The following TUBB8B variants were observed in gnomAD, a reference collection of about 807,000 sequenced individuals.
The protein encoded by TUBB8B is tubulin beta 8B, also known as HSA18p11 beta-tubulin 4Q pseudogene.
In TUBB8B, 26 loss-of-function variants were observed where a neutral mutation model predicts 31.9. The observed-to-expected ratio is 0.81, with a 90% CI of 0.60 to 1.13. The LOEUF (loss-of-function observed/expected upper bound fraction) is 1.13. Among genes scored for constraint, TUBB8B ranks in the 50% most tolerant of loss-of-function variants. The pLI, the probability that TUBB8B is intolerant of heterozygous loss-of-function variation, is 0.00. For missense variants in TUBB8B, 467 were observed against 586.7 expected, an observed-to-expected ratio of 0.80 and a Z score of 2.11; for synonymous variants, 173 against 231.0, an observed-to-expected ratio of 0.75 and a Z score of 2.28.
chr18:72,196 A>AAAAAAAAAAAAAAAAAAAAAAAACAAC, the TUBB8B span, among the ~76,000 whole-genome samples: 22 of 84,516 alleles, frequency 2.6e-4, 1 homozygote, highest in African/African-American at 4.3e-4. Flanking sequence ...AAAAAAAAAA[A>AAAAAAAAAAAAAAAAAAAAAAAACAAC]AAAGGAAAAA....
At chr18:63,551 G>C in the TUBB8B span, among the ~76,000 whole-genome samples, 2 of 151,434 alleles carry the variant, frequency 1.3e-5, no homozygotes, top group Admixed American at 6.6e-5. Context: ...AGTAGGCATA[G>C]AACTTGGTCT....
At chr18:62,161 C>T in the TUBB8B span, among the ~76,000 whole-genome samples, 132 of 151,606 alleles carry the variant, frequency 8.7e-4, 3 homozygotes, top group Middle Eastern at 0.017. Flanking sequence ...TATGTCATGC[C>T]ACTCTTTCAG....
At chr18:63,755 GCCCTAA>G in the TUBB8B span, among the ~76,000 whole-genome samples, 14 of 108,440 alleles carry the variant, frequency 1.3e-4, no homozygotes, top group South Asian at 6.6e-4. Flanking sequence ...CCTAACCCTA[GCCCTAA>G]CCCTAACCCT....
chr18:52,426 G>A (rs1449287226), upstream of TUBB8B, among the ~76,000 whole-genome samples: 3 of 151,114 alleles, frequency 2.0e-5, no homozygotes, highest in African/African-American at 4.9e-5. Context: ...ATTCCCCAGG[G>A]CCTCTAACCC....
At chr18:63,360 C>A in the TUBB8B span, among the ~76,000 whole-genome samples, 10 of 151,828 alleles carry the variant, frequency 6.6e-5, no homozygotes, top group South Asian at 2.1e-3. Context: ...GCTGTGGTGG[C>A]CTTGGATTAA....
At chr18:65,401 G>C in the TUBB8B span, among the ~76,000 whole-genome samples, 1 of 152,056 alleles carries the variant, frequency 6.6e-6, no homozygotes, top group Non-Finnish European at 1.5e-5. Flanking sequence ...CCTTTTCTCA[G>C]AAAATCAAGC....
the TUBB8B span, among the ~76,000 whole-genome samples, chr18:62,315 T>G: frequency 2.2e-4 from 34 of 151,882 alleles, no homozygotes; most frequent in African/African-American, 8.2e-4. Context: ...TGAGGTGGTC[T>G]TCTTTGGGTT....
chr18:62,832 T>A, the TUBB8B span, among the ~76,000 whole-genome samples: 5 of 151,862 alleles, frequency 3.3e-5, no homozygotes, highest in African/African-American at 9.7e-5. Flanking sequence ...TTATTTTTCA[T>A]TCTTTTTTGT....
chr18:55,077 C>T, the TUBB8B span, among the ~76,000 whole-genome samples: 1 of 151,880 alleles, frequency 6.6e-6, no homozygotes, highest in Non-Finnish European at 1.5e-5. Context: ...TTCTGCACTG[C>T]TATAAAAAAA....
the TUBB8B span, among the ~76,000 whole-genome samples, chr18:60,913 A>G: frequency 6.6e-6 from 1 of 151,834 alleles, no homozygotes; most frequent in South Asian, 2.1e-4. Flanking sequence ...TGCAGAGAAG[A>G]ACAATGTGTA....
chr18:64,269 C>G, the TUBB8B span, among the ~76,000 whole-genome samples: 1 of 152,200 alleles, frequency 6.6e-6, no homozygotes, highest in African/African-American at 2.4e-5. Flanking sequence ...TCCTCTCACA[C>G]ATACACATCA....
chr18:61,614 T>C, the TUBB8B span, among the ~76,000 whole-genome samples: 11 of 144,892 alleles, frequency 7.6e-5, no homozygotes, highest in East Asian at 2.2e-3. Flanking sequence ...ACATCTGTGG[T>C]ACGCTTTTTG....
the TUBB8B span, among the ~76,000 whole-genome samples, chr18:60,515 C>T: frequency 5.9e-5 from 9 of 151,484 alleles, no homozygotes; most frequent in African/African-American, 2.2e-4. Flanking sequence ...TTTTGTTTGG[C>T]CTTTTTATTC....
upstream of TUBB8B, chr18:50,270 C>T (rs953889838): frequency 1.9e-4 from 34 of 181,338 alleles, no homozygotes; most frequent in Admixed American, 5.8e-4. Context: ...TTTAGATTAC[C>T]GAAACTGAGG....
chr18:49,962 ATTCAT>A (rs961221693), upstream of TUBB8B: 2 of 424,424 alleles, frequency 4.7e-6, no homozygotes, highest in African/African-American at 5.2e-5. Flanking sequence ...TGTAATGGAG[ATTCAT>A]TTCATCTATT....
chr18:70,523 C>CA, the TUBB8B span, among the ~76,000 whole-genome samples: 1 of 151,044 alleles, frequency 6.6e-6, no homozygotes. Flanking sequence ...GTAGTCCCAG[C>CA]TACTTCGGGG....
chr18:58,445 C>G, the TUBB8B span, among the ~76,000 whole-genome samples: 4 of 151,650 alleles, frequency 2.6e-5, no homozygotes, highest in African/African-American at 9.7e-5. Context: ...CAAATTCAAA[C>G]TTTTATATAA....
In TUBB8B at chr18:48,324, T is replaced by C. The variant is rs775306076; in HGVS notation, c.401A>G (p.Gln134Arg). Residue 134 changes from glutamine (Q) to arginine (R), a missense_variant, in exon 4 of 4, where the codon CAG (glutamine) becomes CGG (arginine). Gln to Arg is a conservative substitution (Grantham distance 43). Coordinates refer to ENST00000308911, the MANE Select transcript of TUBB8B (RefSeq NM_001358689.2). ...AESCDCLQGF[Q>R]LTHSLGGGTG... ...CCCCCCACCCAGGGAGTGGGTCAGC[T>C]GGAAACCCTGCAGGCAGTCACAGCT... The C allele has an allele frequency of 2.8e-4, 449 of 1,610,234 alleles. No individual in the cohort carries two copies. The highest frequency in any genetic ancestry group is 3.4e-4 in the Non-Finnish European group (395 of 1,176,962).
At chr18:62,151 T>C in the TUBB8B span, among the ~76,000 whole-genome samples, 2 of 151,734 alleles carry the variant, frequency 1.3e-5, no homozygotes, top group Non-Finnish European at 2.9e-5. Context: ...GCTTTTTTAA[T>C]ATGTCATGCC....
Sources: allele counts gnomAD v4.1 joint callset (sites outside exome capture counted in the v4.1 genomes callset), GRCh38; gene constraint gnomAD v4.1.1; transcripts MANE v1.5; gene names NCBI Gene and HGNC (gene_info 2026-07-23, HGNC 2026-07-21).